The following SCARA5 variants were observed in gnomAD, a reference collection of about 807,000 sequenced individuals.
The protein encoded by SCARA5 is scavenger receptor class A, member 5 (putative).
SCARA5 carries 45 observed loss-of-function variants against 46.3 expected under a neutral mutation model. That is an observed-to-expected ratio of 0.97 (90% CI 0.76 to 1.24). The LOEUF (loss-of-function observed/expected upper bound fraction) is 1.24. Ranked by LOEUF, SCARA5 falls within the 50% of genes most tolerant of loss-of-function variation. SCARA5 has a pLI of 0.00. For missense variants in SCARA5, 680 were observed against 689.0 expected, an observed-to-expected ratio of 0.99 and a Z score of 0.15; for synonymous variants, 333 against 306.5, an observed-to-expected ratio of 1.09 and a Z score of -0.90.
intron 7 of SCARA5, among the ~76,000 whole-genome samples, chr8:27,886,453 C>T (rs1468882688): frequency 6.6e-6 from 1 of 152,228 alleles, no homozygotes; most frequent in East Asian, 1.9e-4. Context: ...TACCACCTCT[C>T]TGGGAAACCA....
chr8:27,958,435 T>C (rs1439409501), intron 3 of SCARA5, among the ~76,000 whole-genome samples: 1 of 152,128 alleles, frequency 6.6e-6, no homozygotes, highest in Non-Finnish European at 1.5e-5. Context: ...AGTCTGAGTC[T>C]AAGGAAGAGG....
At chr8:27,883,703 G>C (rs1806847013) in intron 7 of SCARA5, among the ~76,000 whole-genome samples, 1 of 152,178 alleles carries the variant, frequency 6.6e-6, no homozygotes, top group Non-Finnish European at 1.5e-5. Flanking sequence ...GAAGAAATCA[G>C]GGTCATCTCT....
intron 1 of SCARA5, 118 bp from the exon 2 acceptor site, chr8:27,987,748 A>G (rs2129988174): frequency 1.6e-6 from 1 of 642,296 alleles, no homozygotes; most frequent in South Asian, 1.8e-5. Context: ...CCCTGACCCT[A>G]AGCCTGAACA....
chr8:27,972,863 A>C (rs542527329), intron 2 of SCARA5, among the ~76,000 whole-genome samples: 1 of 152,270 alleles, frequency 6.6e-6, no homozygotes, highest in East Asian at 1.9e-4. Flanking sequence ...CCTGACTCCC[A>C]AAAAGAGAAA....
intron 8 of SCARA5, among the ~76,000 whole-genome samples, chr8:27,873,887 C>T (rs13253123): frequency 6.6e-6 from 1 of 152,116 alleles, no homozygotes; most frequent in Non-Finnish European, 1.5e-5. Context: ...CCGTCTCTAC[C>T]AAAAACACAA....
At chr8:27,991,845 GCA>G (rs371192585) in intron 1 of SCARA5, among the ~76,000 whole-genome samples, 10 of 150,176 alleles carry the variant, frequency 6.7e-5, no homozygotes, top group South Asian at 6.3e-4. Context: ...GCACAGACAT[GCA>G]CACACACACA....
At chr8:27,879,440 A>G in intron 8 of SCARA5, 129 bp downstream of exon 8, 1 of 847,110 alleles carries the variant, frequency 1.2e-6, no homozygotes, top group Non-Finnish European at 1.9e-6. Flanking sequence ...TTCTTATTGC[A>G]GCAAGCATTT....
chr8:27,890,224 C>T (rs1563513896), intron 7 of SCARA5, among the ~76,000 whole-genome samples: 1 of 152,208 alleles, frequency 6.6e-6, no homozygotes, highest in Non-Finnish European at 1.5e-5. Flanking sequence ...GAGAAGTCAC[C>T]AGCCATTACT....
intron 3 of SCARA5, among the ~76,000 whole-genome samples, chr8:27,965,086 C>T (rs1225513077): frequency 1.3e-5 from 2 of 152,140 alleles, no homozygotes; most frequent in African/African-American, 4.8e-5. Flanking sequence ...TAATGAGGTT[C>T]TCTCGTTGTT....
chr8:27,899,308 C>T (rs1016389157), intron 7 of SCARA5, among the ~76,000 whole-genome samples: 3 of 152,192 alleles, frequency 2.0e-5, no homozygotes, highest in African/African-American at 7.2e-5. Context: ...AAAACACCTG[C>T]ACAGTTGGGG....
At chr8:27,954,627 G>A (rs1242661272) in intron 3 of SCARA5, among the ~76,000 whole-genome samples, 1 of 152,204 alleles carries the variant, frequency 6.6e-6, no homozygotes, top group Admixed American at 6.5e-5. Flanking sequence ...TTCCAGCTTT[G>A]AGTGATTATG....
intron 3 of SCARA5, among the ~76,000 whole-genome samples, chr8:27,965,802 C>T (rs2129936924): frequency 6.6e-6 from 1 of 152,314 alleles, no homozygotes; most frequent in South Asian, 2.1e-4. Context: ...TAGGGACTAC[C>T]TATAGATGAT....
Position 27,907,572 on chromosome 8 carries a change from C to CTTTTTTTTTTTTTTTTTTTA in SCARA5, c.998-327_998-326insTAAAAAAAAAAAAAAAAAAA, listed in dbSNP as rs1807285934. ...GCTGGAGACTTAGAATCAGCAAACACTTTTTTTTTTTTTTTTTTTTGAGAC... is the reference window on the plus strand; with the variant it reads ...GCTGGAGACTTAGAATCAGCAAACACTTTTTTTTTTTTTTTTTTTATTTTTTTTTTTTTTTTTTTTGAGAC... On this transcript the variant is annotated intron_variant, in intron 5 of 8. Transcript: ENST00000354914. Among the ~76,000 whole-genome samples the CTTTTTTTTTTTTTTTTTTTA allele has an allele frequency of 2.1e-5, 2 of 97,276 alleles. 1 individual carries two copies. The highest frequency in any genetic ancestry group is 7.9e-4 in the East Asian group (2 of 2,546). 63.8% of individuals were successfully genotyped at this position (97,276 alleles called of 152,430 possible). A position where few individuals can be genotyped will look rare whatever the true frequency, so the allele number is the denominator to read the frequency against.
chr8:27,978,669 C>A (rs1459147054), intron 2 of SCARA5, among the ~76,000 whole-genome samples: 1 of 152,170 alleles, frequency 6.6e-6, no homozygotes, highest in East Asian at 1.9e-4. Context: ...ACCACCACAT[C>A]TGGCTAATTT....
chr8:27,913,681 A>C (rs2078686047), intron 4 of SCARA5, among the ~76,000 whole-genome samples: 1 of 152,114 alleles, frequency 6.6e-6, no homozygotes, highest in African/African-American at 2.4e-5. Context: ...TCTCCAGCCC[A>C]TGTGTGCCTT....
At chr8:27,942,685 C>G (rs1042621783) in intron 3 of SCARA5, among the ~76,000 whole-genome samples, 16 of 152,132 alleles carry the variant, frequency 1.1e-4, no homozygotes, top group African/African-American at 3.9e-4. Flanking sequence ...AGAAGTGTTA[C>G]GCTGACTTGG....
intron 3 of SCARA5, among the ~76,000 whole-genome samples, chr8:27,941,800 C>CATTATTATTATTATTATT (rs71536304): frequency 7.4e-6 from 1 of 135,312 alleles, no homozygotes; most frequent in East Asian, 2.1e-4. Flanking sequence ...TTTACATCAT[C>CATTATTATTATTATTATT]ATTATTATTA....
rs35520100 is a variant in SCARA5 at position 27,907,215 on chromosome 8, C to T, written c.1029G>A (p.Leu343=). The T allele has an allele frequency of 1.1e-3, 1,732 of 1,613,608 alleles. 21 individuals carry two copies. In the African/African-American group the frequency reaches 0.021, roughly 19 times the overall value. Residue 343 remains leucine, a synonymous_variant, in exon 6 of 9, where the codon TTG becomes TTA. Transcript: ENST00000354914. ...GLPGERGTPG[L]PGPKGDDGKL... Reference sequence around the variant, plus strand: ...TCCCATCATCGCCCTTGGGCCCGGGCAATCCTGGGGTACCTCTCTCCCCGG... The same window carrying T: ...TCCCATCATCGCCCTTGGGCCCGGGTAATCCTGGGGTACCTCTCTCCCCGG...
At chr8:27,897,254 A>G in intron 7 of SCARA5, among the ~76,000 whole-genome samples, 1 of 152,142 alleles carries the variant, frequency 6.6e-6, no homozygotes, top group East Asian at 1.9e-4. Context: ...TGATCCAGTG[A>G]CATCAAAGGC....
Sources: allele counts gnomAD v4.1 joint callset (sites outside exome capture counted in the v4.1 genomes callset), GRCh38; gene constraint gnomAD v4.1.1; transcripts MANE v1.5; gene names NCBI Gene and HGNC (gene_info 2026-07-23, HGNC 2026-07-21).